Variants in GALNT17 observed in about 807,000 individuals in gnomAD.
GALNT17 encodes polypeptide N-acetylgalactosaminyltransferase 17.
Under a neutral mutation model 63.7 loss-of-function variants are expected in GALNT17, and 29 were observed. The observed-to-expected ratio is 0.46, with a 90% CI of 0.34 to 0.62. The LOEUF is 0.62. Ranked by LOEUF, GALNT17 falls within the 20% of genes least tolerant of loss-of-function variation. The pLI is 0.01. For missense variants in GALNT17, 603 were observed against 799.6 expected (o/e 0.75, Z 2.97); for synonymous variants, 305 against 318.3 (o/e 0.96, Z 0.45).
intron 1 of GALNT17, among the ~76,000 whole-genome samples, chr7:71,217,305 A>G (rs1358365245): frequency 3.3e-5 from 5 of 150,276 alleles, no homozygotes; most frequent in Non-Finnish European, 7.4e-5. Context: ...TTAACTTTGT[A>G]TTTTTGGCTT....
At chr7:71,634,753 C>CA (rs35015537) in intron 6 of GALNT17, among the ~76,000 whole-genome samples, 41 of 110,228 alleles carry the variant, frequency 3.7e-4, no homozygotes, top group African/African-American at 5.4e-4. Context: ...GACTCCATCT[C>CA]AAAAAAAAAA....
At chr7:71,368,442 C>T (rs1792555379) in intron 2 of GALNT17, among the ~76,000 whole-genome samples, 1 of 152,106 alleles carries the variant, frequency 6.6e-6, no homozygotes, top group Non-Finnish European at 1.5e-5. Flanking sequence ...TCCTGTCTCC[C>T]CCTTTGCAGG....
At chr7:71,209,655 C>G (rs1789339350) in intron 1 of GALNT17, among the ~76,000 whole-genome samples, 1 of 152,016 alleles carries the variant, frequency 6.6e-6, no homozygotes, top group Non-Finnish European at 1.5e-5. Context: ...ATCACCATGC[C>G]TGGTTAATTT....
intron 9 of GALNT17, among the ~76,000 whole-genome samples, chr7:71,683,414 A>G (rs1351407290): frequency 6.6e-6 from 1 of 152,206 alleles, no homozygotes; most frequent in East Asian, 1.9e-4. Context: ...CAGTGGCAGA[A>G]TCAGAGCTCC....
intron 2 of GALNT17, among the ~76,000 whole-genome samples, chr7:71,351,281 A>G (rs531277284): frequency 1.3e-5 from 2 of 152,114 alleles, no homozygotes; most frequent in African/African-American, 2.4e-5. Flanking sequence ...ATACTGGCCA[A>G]TTGTTTGAGG....
intron 5 of GALNT17, among the ~76,000 whole-genome samples, chr7:71,543,030 C>A: frequency 2.5e-5 from 2 of 80,008 alleles, no homozygotes; most frequent in Non-Finnish European, 2.8e-5. Context: ...TTTAGTTTGA[C>A]CTTTGTTAAA....
rs370326334 is a variant in GALNT17 at position 71,579,001 on chromosome 7, C to T, written c.1080+7599C>T. ...ATCCATTGAATAATGTAATTTGCATCATGGTCCATCCCAGAGAGGACCAGA... is the reference window on the plus strand; with the variant it reads ...ATCCATTGAATAATGTAATTTGCATTATGGTCCATCCCAGAGAGGACCAGA... On this transcript the variant is annotated intron_variant, in intron 6 of 10. Transcript: ENST00000333538. 3.2e-4 allele frequency among the ~76,000 whole-genome samples: 49 copies of T among 152,308 alleles called. No individual in the cohort carries two copies. The South Asian group carries it at 9.7e-3, about 30-fold the overall frequency.
chr7:71,371,928 C>T (rs75460299), intron 2 of GALNT17, among the ~76,000 whole-genome samples: 6,680 of 152,184 alleles, frequency 0.044, 514 homozygotes, highest in African/African-American at 0.15. Context: ...GTTGCACTTG[C>T]CAGTTGGCTT....
chr7:71,442,910 T>A (rs1306928341), intron 5 of GALNT17, among the ~76,000 whole-genome samples: 1 of 152,182 alleles, frequency 6.6e-6, no homozygotes, highest in African/African-American at 2.4e-5. Flanking sequence ...GGAGTTTAAC[T>A]TCCGTGCATG....
At position 71,335,487 on chromosome 7, in the gene GALNT17, A is replaced by G. The variant is rs971324156; in HGVS notation, c.239-63A>G. Reference sequence around the variant, plus strand: ...AATGTCTGTTGAAGCTGCAGCGGAGATTGAGTAATACATCCTGGTATGGTG... The same window carrying G: ...AATGTCTGTTGAAGCTGCAGCGGAGGTTGAGTAATACATCCTGGTATGGTG... On this transcript the variant is annotated intron_variant, in intron 1 of 10. Transcript: ENST00000333538. The G allele has an allele frequency of 8.4e-6, 12 of 1,426,060 alleles. No individual in the cohort carries two copies. In the African/African-American group the frequency reaches 1.6e-4, roughly 19 times the overall value. The allele number at this position is 1,426,060 out of a possible 1,614,324, so 88.3% of individuals were successfully genotyped here. A position where few individuals can be genotyped will look rare whatever the true frequency, so the allele number is the denominator to read the frequency against.
intron 3 of GALNT17, among the ~76,000 whole-genome samples, chr7:71,409,017 A>ACACACACAC (rs374011039): frequency 7.6e-5 from 11 of 144,944 alleles, no homozygotes; most frequent in African/African-American, 2.8e-4. Flanking sequence ...CACATACACA[A>ACACACACAC]ACACACACAC....
At chr7:71,201,335 G>GT (rs1369661721) in intron 1 of GALNT17, among the ~76,000 whole-genome samples, 2 of 150,764 alleles carry the variant, frequency 1.3e-5, no homozygotes, top group Admixed American at 6.6e-5. Flanking sequence ...CTTTTCATGT[G>GT]TTTTTTTCTG....
At chr7:71,570,375 A>C (rs1438984594) in intron 5 of GALNT17, among the ~76,000 whole-genome samples, 1 of 151,674 alleles carries the variant, frequency 6.6e-6, no homozygotes, top group Non-Finnish European at 1.5e-5. Context: ...TAAAGACCCC[A>C]CCCTGGTCCA....
chr7:71,445,961 G>C (rs1216667240), intron 5 of GALNT17, among the ~76,000 whole-genome samples: 1 of 152,144 alleles, frequency 6.6e-6, no homozygotes, highest in Non-Finnish European at 1.5e-5. Flanking sequence ...TTATTCAGGG[G>C]GAAAAAAATC....
intron 5 of GALNT17, among the ~76,000 whole-genome samples, chr7:71,442,189 G>GT (rs1756048606): frequency 6.6e-6 from 1 of 151,624 alleles, no homozygotes; most frequent in African/African-American, 2.4e-5. Context: ...GCCTGCAGAA[G>GT]TGTTTTTTTT....
chr7:71,692,575 C>G (rs180720052), intron 9 of GALNT17, among the ~76,000 whole-genome samples: 2 of 151,896 alleles, frequency 1.3e-5, no homozygotes, highest in Non-Finnish European at 2.9e-5. Context: ...TTTGATTTCT[C>G]CTTGGGACAG....
chr7:71,530,286 G>C (rs140912107), intron 5 of GALNT17, among the ~76,000 whole-genome samples: 1 of 152,178 alleles, frequency 6.6e-6, no homozygotes, highest in East Asian at 1.9e-4. Flanking sequence ...CTATTTTGCT[G>C]GTTAATTGTG....
intron 9 of GALNT17, among the ~76,000 whole-genome samples, chr7:71,686,578 A>C (rs1477114855): frequency 6.6e-6 from 1 of 150,832 alleles, no homozygotes; most frequent in African/African-American, 2.4e-5. Flanking sequence ...TTGTAGAGAT[A>C]GGGATCTCAC....
intron 2 of GALNT17, 107 bp from the exon 3 acceptor site, chr7:71,388,128 G>A: frequency 1.6e-6 from 2 of 1,228,698 alleles, no homozygotes; most frequent in South Asian, 1.5e-5. Flanking sequence ...TTCACGCCTT[G>A]GGACGACTGG....
Sources: allele counts gnomAD v4.1 joint callset (sites outside exome capture counted in the v4.1 genomes callset), GRCh38; gene constraint gnomAD v4.1.1; transcripts MANE v1.5; gene names NCBI Gene and HGNC (gene_info 2026-07-23, HGNC 2026-07-21).